APP: variants seen among roughly 807,000 people sequenced by gnomAD.
APP encodes amyloid beta precursor protein, also known as amyloid-beta precursor protein.
In APP, 31 loss-of-function variants were observed where a neutral mutation model predicts 101.4. The ratio of observed to expected loss-of-function variants is 0.31; its 90% CI spans 0.23 to 0.41. The LOEUF (loss-of-function observed/expected upper bound fraction) is 0.41, where lower values mean the gene tolerates loss of function less well. Ranked by LOEUF, APP falls within the 10% of genes least tolerant of loss-of-function variation. APP has a pLI of 1.00. For missense variants in APP, 839 were observed against 1,003.7 expected (o/e 0.84, Z 2.22); for synonymous variants, 366 against 364.4 (o/e 1.00, Z -0.05).
intron 8 of APP, among the ~76,000 whole-genome samples, chr21:25,992,345 G>A (rs1056503570): frequency 3.3e-5 from 5 of 150,336 alleles, no homozygotes; most frequent in African/African-American, 7.4e-5. Context: ...CCGAGATCAC[G>A]CCACTGCACT....
chr21:26,133,885 G>A (rs2062843666), intron 1 of APP, among the ~76,000 whole-genome samples: 1 of 152,174 alleles, frequency 6.6e-6, no homozygotes. Context: ...ATTTGATATG[G>A]TTGACCAGAT....
At chr21:26,053,593 A>C (rs1280404983) in intron 3 of APP, 3 of 385,300 alleles carry the variant, frequency 7.8e-6, no homozygotes, top group African/African-American at 2.0e-5. Context: ...TTGTCCCTTA[A>C]TTAATCTGAA....
intron 3 of APP, among the ~76,000 whole-genome samples, chr21:26,054,620 G>GTTTT (rs369608335): frequency 1.1e-4 from 12 of 108,004 alleles, no homozygotes; most frequent in Admixed American, 2.1e-4. Flanking sequence ...TAGGCCAAAA[G>GTTTT]TTTTTTTTTT....
At chr21:26,079,114 G>C (rs1444044259) in intron 3 of APP, among the ~76,000 whole-genome samples, 3 of 151,394 alleles carry the variant, frequency 2.0e-5, no homozygotes, top group Non-Finnish European at 4.4e-5. Flanking sequence ...AAAATGACAC[G>C]ATGAGAAGAG....
At chr21:26,039,065 C>A (rs2045257487) in intron 5 of APP, among the ~76,000 whole-genome samples, 1 of 152,172 alleles carries the variant, frequency 6.6e-6, no homozygotes, top group Non-Finnish European at 1.5e-5. Context: ...TTGGATGCGT[C>A]TATTACACCT....
At chr21:25,933,358 CT>C (rs544486237) in intron 13 of APP, among the ~76,000 whole-genome samples, 41 of 152,352 alleles carry the variant, frequency 2.7e-4, no homozygotes, top group Non-Finnish European at 4.7e-4. Flanking sequence ...CCACCTCGGC[CT>C]TCCCAAGTGC....
intron 2 of APP, among the ~76,000 whole-genome samples, chr21:26,098,228 G>A (rs1431318679): frequency 6.7e-6 from 1 of 148,830 alleles, no homozygotes; most frequent in African/African-American, 2.5e-5. Context: ...GCTTATCATC[G>A]GTAGCCTAAG....
intron 13 of APP, among the ~76,000 whole-genome samples, chr21:25,943,529 T>C (rs572022514): frequency 6.7e-6 from 1 of 150,188 alleles, no homozygotes; most frequent in South Asian, 2.1e-4. Context: ...CTCAGCTCAC[T>C]ACAGCCTCTG....
intron 5 of APP, among the ~76,000 whole-genome samples, chr21:26,036,614 G>C (rs1211261818): frequency 6.6e-6 from 1 of 152,130 alleles, no homozygotes; most frequent in African/African-American, 2.4e-5. Flanking sequence ...TTACAGTCGT[G>C]GTCATAGCCA....
intron 13 of APP, among the ~76,000 whole-genome samples, chr21:25,940,843 T>C (rs1052579192): frequency 3.3e-5 from 5 of 152,202 alleles, no homozygotes; most frequent in Admixed American, 1.3e-4. Flanking sequence ...CTTGATAAAA[T>C]ACAGATTGCT....
At chr21:26,016,734 G>A (rs1158265070) in intron 6 of APP, among the ~76,000 whole-genome samples, 2 of 152,140 alleles carry the variant, frequency 1.3e-5, no homozygotes, top group African/African-American at 2.4e-5. Context: ...ACCACACCTG[G>A]CTAATTTTTG....
At chr21:26,092,620 T>C (rs145455139) in intron 2 of APP, among the ~76,000 whole-genome samples, 11 of 152,272 alleles carry the variant, frequency 7.2e-5, no homozygotes, top group African/African-American at 2.2e-4. Flanking sequence ...TCATTATACA[T>C]TTGTCCAAAC....
At chr21:25,908,531 G>A (rs184698939) in intron 14 of APP, among the ~76,000 whole-genome samples, 60 of 152,174 alleles carry the variant, frequency 3.9e-4, no homozygotes, top group African/African-American at 1.4e-3. Flanking sequence ...CAAGTTTCTG[G>A]GGAGAGGTGG....
chr21:26,052,626 GA>G (rs2045883279), intron 4 of APP, among the ~76,000 whole-genome samples: 1 of 152,172 alleles, frequency 6.6e-6, no homozygotes, highest in African/African-American at 2.4e-5. Flanking sequence ...TCACCCTGTG[GA>G]AAAATCAAGA....
chr21:26,006,823 AAAT>A (rs1390792826), intron 6 of APP, among the ~76,000 whole-genome samples: 1 of 152,218 alleles, frequency 6.6e-6, no homozygotes, highest in Non-Finnish European at 1.5e-5. Flanking sequence ...ACAGATTAGC[AAAT>A]AATTCGCTGT....
chr21:25,884,514 A>G (rs541399088), intron 17 of APP, among the ~76,000 whole-genome samples: 1 of 152,348 alleles, frequency 6.6e-6, no homozygotes, highest in Admixed American at 6.5e-5. Context: ...CTGTGTAATT[A>G]GCCTCCAACT....
At chr21:26,147,765 G>A (rs1487500163) in intron 1 of APP, among the ~76,000 whole-genome samples, 7 of 151,598 alleles carry the variant, frequency 4.6e-5, no homozygotes, top group Admixed American at 6.6e-5. Flanking sequence ...TCACACAGGC[G>A]AACACCTGAT....
chr21:25,978,799 A>G (rs1601095355), intron 9 of APP, among the ~76,000 whole-genome samples: 2 of 152,292 alleles, frequency 1.3e-5, no homozygotes, highest in African/African-American at 4.8e-5. Flanking sequence ...TAAAAATACA[A>G]AAATTAGCTC....
chr21:25,991,138 A>G (rs2042844256), intron 8 of APP, among the ~76,000 whole-genome samples: 1 of 152,228 alleles, frequency 6.6e-6, no homozygotes, highest in Non-Finnish European at 1.5e-5. Context: ...ATAGAGTGGC[A>G]TAATGGACAT....
Sources: allele counts gnomAD v4.1 joint callset (sites outside exome capture counted in the v4.1 genomes callset), GRCh38; gene constraint gnomAD v4.1.1; transcripts MANE v1.5; gene names NCBI Gene and HGNC (gene_info 2026-07-23, HGNC 2026-07-21).